DOCK3: variants seen among roughly 807,000 people sequenced by gnomAD.
The protein encoded by DOCK3 is dedicator of cytokinesis 3, also known as dedicator of cytokinesis protein 3.
Under a neutral mutation model 265.6 loss-of-function variants are expected in DOCK3, and 60 were observed. The ratio of observed to expected loss-of-function variants is 0.23; its 90% CI spans 0.18 to 0.28. The LOEUF is 0.28. DOCK3 is among the 10% of genes least tolerant of loss of function. The pLI is 1.00. For synonymous variants in DOCK3, 881 were observed against 938.0 expected (o/e 0.94, Z 1.11); for missense variants, 1,981 against 2,594.3 (o/e 0.76, Z 5.14).
chr3:50,853,488 A>G (rs1575360957), intron 3 of DOCK3, among the ~76,000 whole-genome samples: 2 of 152,026 alleles, frequency 1.3e-5, no homozygotes, highest in African/African-American at 2.4e-5. Context: ...TGGAGTCCCC[A>G]TTGTCCACTG....
At chr3:51,306,317 GT>G (rs1343779895) in intron 27 of DOCK3, among the ~76,000 whole-genome samples, 1 of 152,050 alleles carries the variant, frequency 6.6e-6, no homozygotes, top group Non-Finnish European at 1.5e-5. Flanking sequence ...GTTGTTTGTT[GT>G]TTTTCTCTTG....
At chr3:51,324,372 A>G (rs2083946366) in intron 32 of DOCK3, among the ~76,000 whole-genome samples, 1 of 152,228 alleles carries the variant, frequency 6.6e-6, no homozygotes, top group Non-Finnish European at 1.5e-5. Context: ...AAGGGATGTG[A>G]AGGACCCCGT....
chr3:50,747,560 A>G (rs755339674), intron 1 of DOCK3, among the ~76,000 whole-genome samples: 1 of 152,106 alleles, frequency 6.6e-6, no homozygotes, highest in African/African-American at 2.4e-5. Flanking sequence ...TTTAAATGGT[A>G]TTGTTTAAAT....
intron 5 of DOCK3, among the ~76,000 whole-genome samples, chr3:50,984,221 A>T (rs1167989468): frequency 6.6e-6 from 1 of 152,268 alleles, no homozygotes; most frequent in Non-Finnish European, 1.5e-5. Flanking sequence ...CAAAGGTGCC[A>T]CTGGCCACAA....
chr3:51,324,159 T>C (rs2109837807), intron 32 of DOCK3, among the ~76,000 whole-genome samples: 1 of 150,710 alleles, frequency 6.6e-6, no homozygotes, highest in South Asian at 2.1e-4. Flanking sequence ...ATGACATGAT[T>C]GTGTATTTAG....
At chr3:51,064,700 A>G (rs1320324492) in intron 6 of DOCK3, 104 bp downstream of exon 6, 1 of 1,391,548 alleles carries the variant, frequency 7.2e-7, no homozygotes, top group Middle Eastern at 1.9e-4. Context: ...ATTCAAAGGC[A>G]ATGTTATATT....
At chr3:50,914,448 A>T (rs2050017201) in intron 4 of DOCK3, among the ~76,000 whole-genome samples, 1 of 151,996 alleles carries the variant, frequency 6.6e-6, no homozygotes, top group South Asian at 2.1e-4. Context: ...TCACTTTTTC[A>T]TTGAGACATT....
intron 2 of DOCK3, among the ~76,000 whole-genome samples, chr3:50,821,298 T>A (rs1487417328): frequency 6.6e-6 from 1 of 151,404 alleles, no homozygotes; most frequent in African/African-American, 2.4e-5. Flanking sequence ...TCTTCTAGGA[T>A]TTTTTTTTCT....
At chr3:51,250,135 C>T (rs1219975597) in intron 22 of DOCK3, among the ~76,000 whole-genome samples, 1 of 151,756 alleles carries the variant, frequency 6.6e-6, no homozygotes, top group African/African-American at 2.4e-5. Context: ...ACAAATGCTG[C>T]GGAAGGCCGC....
intron 2 of DOCK3, among the ~76,000 whole-genome samples, chr3:50,831,188 TA>T (rs368273601): frequency 0.65 from 82,352 of 127,236 alleles, 23,067 homozygotes; most frequent in Middle Eastern, 0.74. Flanking sequence ...CAACCTGTTT[TA>T]TTTATTTATT....
At chr3:51,354,857 G>C in intron 40 of DOCK3, 25 bp from the exon 41 acceptor site, 1 of 1,610,706 alleles carries the variant, frequency 6.2e-7, no homozygotes, top group Non-Finnish European at 8.5e-7. Flanking sequence ...AGCATACATA[G>C]AGTGTGCTCT....
At chr3:51,012,001 G>C (rs1049107662) in intron 5 of DOCK3, among the ~76,000 whole-genome samples, 2 of 152,150 alleles carry the variant, frequency 1.3e-5, no homozygotes, top group African/African-American at 4.8e-5. Context: ...TCTCAGAGGG[G>C]TAGAAGGCCG....
Position 51,381,637 on chromosome 3 carries a change from A to C in DOCK3, c.*78A>C. 2.1e-6 allele frequency: 3 copies of C among 1,433,772 alleles called. No individual in the cohort carries two copies. The highest frequency in any genetic ancestry group is 2.7e-6 in the Non-Finnish European group (3 of 1,098,210). The allele number at this position is 1,433,772 out of a possible 1,614,324, so 88.8% of individuals were successfully genotyped here. Reference sequence around the variant, plus strand: ...TCCAGGTCTGAAAAGCAAGTCCCCCAGCCCCACCCCAGGGAGCCAGAGAGG... The same window carrying C: ...TCCAGGTCTGAAAAGCAAGTCCCCCCGCCCCACCCCAGGGAGCCAGAGAGG... On this transcript the variant is annotated 3_prime_UTR_variant, in exon 53 of 53. Transcript: ENST00000266037. The surrounding 1 kb of genome is among the most constrained non-coding windows in gnomAD (Gnocchi z 5.6).
intron 27 of DOCK3, among the ~76,000 whole-genome samples, chr3:51,283,399 G>T (rs2081240111): frequency 6.6e-6 from 1 of 152,162 alleles, no homozygotes; most frequent in South Asian, 2.1e-4. Context: ...GGGAGGGGAG[G>T]AAATTTGTAT....
Position 51,357,776 on chromosome 3 carries a change from T to G in DOCK3, c.4702T>G (p.Tyr1568Asp), listed in dbSNP as rs2086461710. ...RYQEAFFDKD[Y>D]INKHPGDAEK... is the part of the protein sequence containing the mutation. ...TTCACAGGCCTTCTTTGATAAAGAT[T>G]ACATCAACAAGCACCCAGGAGATGC... The change falls in exon 45 of 53, where the codon TAC (tyrosine) becomes GAC (aspartate). Residue 1568 changes from tyrosine (Y) to aspartate (D), a missense_variant. Physicochemically the swap from Tyr to Asp is radical, Grantham distance 160. Coordinates refer to ENST00000266037, the MANE Select transcript of DOCK3 (RefSeq NM_004947.5). The G allele has an allele frequency of 6.2e-7, 1 of 1,613,864 alleles. No individual in the cohort carries two copies. The highest frequency in any genetic ancestry group is 1.7e-5 in the Admixed American group (1 of 60,006).
intron 5 of DOCK3, among the ~76,000 whole-genome samples, chr3:50,987,485 G>GC (rs1431324595): frequency 1.3e-5 from 2 of 152,020 alleles, no homozygotes; most frequent in Non-Finnish European, 1.5e-5. Context: ...ACCTACCCAG[G>GC]GTTACTTTTT....
intron 1 of DOCK3, among the ~76,000 whole-genome samples, chr3:50,719,179 T>C (rs1208291524): frequency 6.6e-6 from 1 of 152,142 alleles, no homozygotes; most frequent in African/African-American, 2.4e-5. Flanking sequence ...AGGACTCTAG[T>C]AGTAAGTTTT....
chr3:50,821,163 T>G (rs1464292583), intron 2 of DOCK3, among the ~76,000 whole-genome samples: 1 of 149,148 alleles, frequency 6.7e-6, no homozygotes, highest in African/African-American at 2.5e-5. Context: ...TTTTTTGCTG[T>G]GCAGAAGAAG....
chr3:51,292,686 T>G (rs1019335248), intron 27 of DOCK3, among the ~76,000 whole-genome samples: 9 of 152,078 alleles, frequency 5.9e-5, no homozygotes, highest in Admixed American at 3.3e-4. Flanking sequence ...GTTAAAAAAT[T>G]TTTTTTCTTG....
Sources: allele counts gnomAD v4.1 joint callset (sites outside exome capture counted in the v4.1 genomes callset), GRCh38; gene constraint gnomAD v4.1.1; non-coding constraint Gnocchi (gnomAD v3.1); transcripts MANE v1.5; gene names NCBI Gene and HGNC (gene_info 2026-07-23, HGNC 2026-07-21).